The following RBFOX3 variants were observed in gnomAD, a reference collection of about 807,000 sequenced individuals.
RBFOX3 encodes RNA binding protein fox-1 homolog 3.
In RBFOX3, 17 loss-of-function variants were observed where a neutral mutation model predicts 48.7. The ratio of observed to expected loss-of-function variants is 0.35; its 90% CI spans 0.24 to 0.52. The LOEUF (loss-of-function observed/expected upper bound fraction) is 0.52. RBFOX3 is among the 20% of genes least tolerant of loss of function. The probability of loss-of-function intolerance (pLI) is 0.94; values close to 1 mark genes in which losing one functional copy is unlikely to be tolerated. For synonymous variants in RBFOX3, 212 were observed against 209.5 expected, an observed-to-expected ratio of 1.01 and a Z score of -0.10; for missense variants, 382 against 497.5, an observed-to-expected ratio of 0.77 and a Z score of 2.21.
intron 1 of RBFOX3, among the ~76,000 whole-genome samples, chr17:79,539,617 G>A (rs1441686859): frequency 6.6e-6 from 1 of 152,308 alleles, no homozygotes; most frequent in East Asian, 1.9e-4. Flanking sequence ...GCTAACAGTG[G>A]TTAACAGTTG....
intron 4 of RBFOX3, among the ~76,000 whole-genome samples, chr17:79,165,642 C>T (rs928123632): frequency 6.6e-6 from 1 of 152,234 alleles, no homozygotes; most frequent in Non-Finnish European, 1.5e-5. Context: ...CTGGCTTCGC[C>T]GGCCGGGGTC....
At chr17:79,309,120 AC>A (rs2076489408) in intron 2 of RBFOX3, among the ~76,000 whole-genome samples, 1 of 150,834 alleles carries the variant, frequency 6.6e-6, no homozygotes, top group African/African-American at 2.4e-5. Flanking sequence ...AAAAAAAAAA[AC>A]TAAATGTTTG....
At position 79,320,949 on chromosome 17, in the gene RBFOX3, A is replaced by G. The variant is rs932658491; in HGVS notation, c.-174-13125T>C. Among the ~76,000 whole-genome samples, 11 of 152,194 alleles carry G rather than the reference A, an allele frequency of 7.2e-5. 1 individual carries two copies. On this transcript the variant is annotated intron_variant, in intron 2 of 14. Coordinates refer to ENST00000693108, the MANE Select transcript of RBFOX3 (RefSeq NM_001350451.2). ...CATTCAGAGTCCGGCACATTCTGCC[A>G]AAAGCTCCCGTCACAGCAACACTGG... is the stretch of plus-strand genomic sequence containing the variant.
At chr17:79,155,939 C>A (rs1327803445) in intron 4 of RBFOX3, among the ~76,000 whole-genome samples, 1 of 152,198 alleles carries the variant, frequency 6.6e-6, no homozygotes, top group Non-Finnish European at 1.5e-5. Flanking sequence ...AATTCAGCAT[C>A]GCTGCCTCCC....
intron 10 of RBFOX3, 25 bp downstream of exon 10, chr17:79,097,667 A>AAACCCCCCCC: frequency 1.9e-6 from 2 of 1,031,788 alleles, no homozygotes; most frequent in Non-Finnish European, 2.7e-6. Flanking sequence ...GTCTCATCCC[A>AAACCCCCCCC]TCCCCGCCCC....
At chr17:79,284,729 G>A (rs112426908) in intron 3 of RBFOX3, among the ~76,000 whole-genome samples, 4,604 of 152,132 alleles carry the variant, frequency 0.03, 113 homozygotes, top group East Asian at 0.068. Flanking sequence ...TAGTAGAGAC[G>A]AGATTTCACT....
chr17:79,135,190 C>T (rs924370444), intron 4 of RBFOX3: 2 of 152,386 alleles, frequency 1.3e-5, no homozygotes, highest in African/African-American at 4.8e-5. Flanking sequence ...ACTGCCCGGC[C>T]ACAGCCAGGG....
chr17:79,627,569 C>T, the RBFOX3 span, among the ~76,000 whole-genome samples: 1 of 152,194 alleles, frequency 6.6e-6, no homozygotes, highest in East Asian at 1.9e-4. Flanking sequence ...CTGCCCACAG[C>T]AAGCCAAAGA....
chr17:79,106,851 C>T, intron 5 of RBFOX3, 63 bp from the exon 6 acceptor site: 1 of 1,461,634 alleles, frequency 6.8e-7, no homozygotes, highest in Non-Finnish European at 8.9e-7. Flanking sequence ...ATCCCCTCTG[C>T]TAAAGGGTCG....
At chr17:79,223,771 A>C (rs11653702) in intron 4 of RBFOX3, among the ~76,000 whole-genome samples, 32,848 of 152,146 alleles carry the variant, frequency 0.22, 4,374 homozygotes, top group Middle Eastern at 0.3. Flanking sequence ...CCGTCGACAC[A>C]TTCCAAGCTC....
chr17:79,112,908 G>T (rs943053813), intron 5 of RBFOX3, among the ~76,000 whole-genome samples: 1 of 135,290 alleles, frequency 7.4e-6, no homozygotes, highest in Non-Finnish European at 1.6e-5. Context: ...GGCTCTCGGG[G>T]GGGGGGTGGG....
intron 2 of RBFOX3, among the ~76,000 whole-genome samples, chr17:79,409,375 C>T (rs753809440): frequency 2.6e-5 from 4 of 152,200 alleles, no homozygotes; most frequent in Non-Finnish European, 2.9e-5. Context: ...AGGAGCGAGA[C>T]GGCCGGGTTG....
intron 1 of RBFOX3, chr17:79,598,843 G>A (rs386829722): frequency 0.23 from 34,840 of 152,042 alleles, 4,141 homozygotes; most frequent in East Asian, 0.29. Flanking sequence ...TGTGGGTACC[G>A]TATGGAAGGC....
chr17:79,472,602 C>T (rs1361402812), intron 2 of RBFOX3, among the ~76,000 whole-genome samples: 1 of 152,224 alleles, frequency 6.6e-6, no homozygotes, highest in African/African-American at 2.4e-5. Flanking sequence ...ATGCTGCCAA[C>T]AGCTTGATCT....
chr17:79,422,021 T>C (rs1242947530), intron 2 of RBFOX3, among the ~76,000 whole-genome samples: 2 of 151,698 alleles, frequency 1.3e-5, no homozygotes, highest in African/African-American at 2.4e-5. Context: ...TCCAGCCTCA[T>C]GGGGTACAGA....
intron 2 of RBFOX3, among the ~76,000 whole-genome samples, chr17:79,350,811 G>A (rs781057771): frequency 1.3e-4 from 20 of 152,296 alleles, no homozygotes; most frequent in Non-Finnish European, 2.2e-4. Flanking sequence ...CATGAATTGC[G>A]GGGAAAGAAG....
At chr17:79,632,029 C>T in the RBFOX3 span, among the ~76,000 whole-genome samples, 18 of 152,178 alleles carry the variant, frequency 1.2e-4, 1 homozygote, top group Non-Finnish European at 1.0e-4. Context: ...GTGGTGCCTG[C>T]GGCAGGGCAG....
intron 2 of RBFOX3, among the ~76,000 whole-genome samples, chr17:79,417,362 A>G (rs2065543225): frequency 6.6e-6 from 1 of 152,224 alleles, no homozygotes; most frequent in Non-Finnish European, 1.5e-5. Flanking sequence ...TCTTGAGGAC[A>G]TCAGAGAGGA....
intron 1 of RBFOX3, among the ~76,000 whole-genome samples, chr17:79,492,841 C>T (rs2080887325): frequency 6.6e-6 from 1 of 152,150 alleles, no homozygotes; most frequent in Non-Finnish European, 1.5e-5. Context: ...AGGAAGGTCA[C>T]ACTGGGACAC....
Sources: allele counts gnomAD v4.1 joint callset (sites outside exome capture counted in the v4.1 genomes callset), GRCh38; gene constraint gnomAD v4.1.1; transcripts MANE v1.5; gene names NCBI Gene and HGNC (gene_info 2026-07-23, HGNC 2026-07-21).